FAM24A: variants seen among roughly 807,000 people sequenced by gnomAD.
FAM24A encodes protein FAM24A.
A neutral mutation model predicts 2.8 loss-of-function variants in FAM24A; 2 were observed. That is an observed-to-expected ratio of 0.73 (90% CI 0.30 to 2.28). The LOEUF (loss-of-function observed/expected upper bound fraction) is 2.28, where lower values mean the gene tolerates loss of function less well. Ranked by LOEUF, FAM24A falls within the 30% of genes most tolerant of loss-of-function variation. The pLI, the probability that FAM24A is intolerant of heterozygous loss-of-function variation, is 0.12. For synonymous variants in FAM24A, 46 were observed against 47.5 expected, an observed-to-expected ratio of 0.97 and a Z score of 0.13; for missense variants, 109 against 132.0, an observed-to-expected ratio of 0.83 and a Z score of 0.85.
intron 2 of FAM24A, among the ~76,000 whole-genome samples, chr10:122,912,454 A>G (rs928061858): frequency 1.3e-5 from 2 of 151,580 alleles, no homozygotes; most frequent in Non-Finnish European, 2.9e-5. Context: ...CACATCCCGG[A>G]GCCTGGGGCA....
chr10:122,911,344 G>T (rs1457405008), intron 1 of FAM24A, among the ~76,000 whole-genome samples: 1 of 152,128 alleles, frequency 6.6e-6, no homozygotes, highest in Non-Finnish European at 1.5e-5. Flanking sequence ...TCCAAGGCAG[G>T]CCTGTGGTCA....
Position 122,912,859 on chromosome 10 carries a change from T to A in FAM24A, c.223T>A (p.Ser75Thr). Residue 75 changes from serine (S) to threonine (T), a missense_variant, in exon 3 of 3, where the codon TCT becomes ACT. Coordinates refer to ENST00000368894, the MANE Select transcript of FAM24A (RefSeq NM_001029888.3). ...CCAGGCCAAAGCCACCACCATGGAGTCTTGTCCATCTCTCCAGTGCTGTGA... is the reference window on the plus strand; with the variant it reads ...CCAGGCCAAAGCCACCACCATGGAGACTTGTCCATCTCTCCAGTGCTGTGA... ...NSQAKATTME[S>T]CPSLQCCEGC... 6.2e-7 allele frequency: 1 copy of A among 1,613,908 alleles called. No individual in the cohort carries two copies. The highest frequency in any genetic ancestry group is 1.1e-5 in the South Asian group (1 of 91,058).
chr10:122,911,570 A>G (rs1848318900), intron 1 of FAM24A, 63 bp from the exon 2 acceptor site: 2 of 1,595,996 alleles, frequency 1.3e-6, no homozygotes, highest in Non-Finnish European at 1.7e-6. Flanking sequence ...TACTAACGGA[A>G]GGTTGTTTAG....
intron 2 of FAM24A, among the ~76,000 whole-genome samples, chr10:122,912,258 C>T (rs941603971): frequency 6.6e-5 from 10 of 152,116 alleles, no homozygotes; most frequent in Admixed American, 6.5e-4. Flanking sequence ...TTCTGGTGGC[C>T]TTGAGAACAA....
chr10:122,911,843 C>G (rs1848323235), intron 2 of FAM24A, 84 bp downstream of exon 2: 1 of 1,552,136 alleles, frequency 6.4e-7, no homozygotes, highest in Non-Finnish European at 8.8e-7. Context: ...TTCCTTTCTG[C>G]TGTGGCCATA....
rs576071484 is a variant in FAM24A at position 122,910,683 on chromosome 10, C to G, written c.-139C>G. On this transcript the variant is annotated 5_prime_UTR_variant, in exon 1 of 3. Transcript: ENST00000368894. ...GTTCAACCTTGGATCTTAATTACTC[C>G]TAGCAGGGATAATTAGGTCCCTCTT... 1 of 152,250 alleles carries G rather than the reference C, an allele frequency of 6.6e-6. No homozygotes were observed. The highest frequency in any genetic ancestry group is 1.9e-4 in the East Asian group (1 of 5,182). 9.4% of individuals were successfully genotyped at this position (152,250 alleles called of 1,614,324 possible). A position where few individuals can be genotyped will look rare whatever the true frequency, so the allele number is the denominator to read the frequency against.
chr10:122,911,518 A>T, intron 1 of FAM24A, 115 bp from the exon 2 acceptor site: 1 of 1,462,052 alleles, frequency 6.8e-7, no homozygotes, highest in African/African-American at 1.4e-5. Context: ...CTCTGGAAAG[A>T]TTTGCTTGCA....
At chr10:122,911,589 T>C in intron 1 of FAM24A, 44 bp from the exon 2 acceptor site, 1 of 1,606,888 alleles carries the variant, frequency 6.2e-7, no homozygotes, top group African/African-American at 1.3e-5. Flanking sequence ...AGTGGCTGTG[T>C]GGGGAGGAAG....
intron 2 of FAM24A, among the ~76,000 whole-genome samples, 190 bp from the exon 3 acceptor site, chr10:122,912,570 TTA>T (rs1848330022): frequency 6.6e-6 from 1 of 151,994 alleles, no homozygotes; most frequent in Non-Finnish European, 1.5e-5. Flanking sequence ...TAACCTGAGT[TTA>T]CATTTATAGC....
Position 122,912,929 on chromosome 10 carries a change from G to A in FAM24A, c.293G>A (p.Cys98Tyr). ...AGTTCTGATTCCCTGCCACCTTGCTGTTGTGACATAAATGAGGGCCTCTGA... is the reference window on the plus strand; with the variant it reads ...AGTTCTGATTCCCTGCCACCTTGCTATTGTGACATAAATGAGGGCCTCTGA... Reference protein sequence around the residue: ...HASSDSLPPCCCDINEGL With the variant: ...HASSDSLPPCYCDINEGL The change falls in exon 3 of 3, where the codon TGT (cysteine) becomes TAT (tyrosine). Residue 98 changes from cysteine to tyrosine, a missense_variant. By Grantham distance (194) the Cys-to-Tyr change is radical. Transcript: ENST00000368894. The A allele has an allele frequency of 1.2e-6, 2 of 1,609,642 alleles. No individual in the cohort carries two copies. The highest frequency in any genetic ancestry group is 3.4e-5 in the Admixed American group (2 of 59,002).
Position 122,911,666 on chromosome 10 carries a change from T to C in FAM24A, c.32T>C (p.Ile11Thr). The change falls in exon 2 of 3, where the codon ATC (isoleucine) becomes ACC (threonine). Residue 11 changes from isoleucine to threonine, a missense_variant. Physicochemically the swap from Ile to Thr is moderately conservative, Grantham distance 89 (BLOSUM62 -1). Coordinates refer to ENST00000368894, the MANE Select transcript of FAM24A (RefSeq NM_001029888.3). ...AAGATGTTTGATCTCAGGACGAAGA[T>C]CATGATCGGCATCGGAAGCAGCTTA... MAKMFDLRTK[I>T]MIGIGSSLLV... The C allele has an allele frequency of 1.2e-6, 2 of 1,614,114 alleles. No homozygotes were observed. The highest frequency in any genetic ancestry group is 8.5e-7 in the Non-Finnish European group (1 of 1,180,022).
rs1342910094 is a variant in FAM24A, at chr10:122,911,706, G to A, written c.72G>A (p.Met24Ile). ...GIGSSLLVAA[M>I]VLLSVVFCLY... ...GAAGCAGCTTACTGGTTGCCGCGAT[G>A]GTGCTCCTAAGTGTTGTGTTCTGTC... is the stretch of plus-strand genomic sequence containing the variant. The change falls in exon 2 of 3, where the codon ATG becomes ATA. Residue 24 changes from methionine (M) to isoleucine (I), a missense_variant. Physicochemically the swap from Met to Ile is conservative, Grantham distance 10. Transcript: ENST00000368894. 3.7e-6 allele frequency: 6 copies of A among 1,614,034 alleles called. No individual in the cohort carries two copies. The highest frequency in any genetic ancestry group is 5.1e-6 in the Non-Finnish European group (6 of 1,180,036).
chr10:122,912,340 G>A (rs2133858609), intron 2 of FAM24A, among the ~76,000 whole-genome samples: 1 of 152,298 alleles, frequency 6.6e-6, no homozygotes, highest in African/African-American at 2.4e-5. Flanking sequence ...AAAGAAAAGG[G>A]AATGTAGGTT....
At position 122,911,497 on chromosome 10, in the gene FAM24A, A is replaced by G; in HGVS notation, c.-2-136A>G. On this transcript the variant is annotated intron_variant, in intron 1 of 2. Transcript: ENST00000368894. Reference sequence around the variant, plus strand: ...TTGTCTGCCCCTGGACCAGCTTAGGATCCTAGGACTCTCTGGAAAGATTTG... The same window carrying G: ...TTGTCTGCCCCTGGACCAGCTTAGGGTCCTAGGACTCTCTGGAAAGATTTG... The G allele has an allele frequency of 2.3e-6, 3 of 1,311,914 alleles. No homozygotes were observed. In the South Asian group the frequency reaches 4.2e-5, roughly 19 times the overall value. 81.3% of individuals were successfully genotyped at this position (1,311,914 alleles called of 1,614,324 possible). A position where few individuals can be genotyped will look rare whatever the true frequency, so the allele number is the denominator to read the frequency against.
At chr10:122,912,108 A>C (rs969381029) in intron 2 of FAM24A, among the ~76,000 whole-genome samples, 7 of 152,092 alleles carry the variant, frequency 4.6e-5, no homozygotes, top group East Asian at 1.9e-4. Flanking sequence ...CTTGGCCAGT[A>C]CCTCCCCTGG....
chr10:122,912,181 C>T (rs983187298), intron 2 of FAM24A, among the ~76,000 whole-genome samples: 2 of 152,170 alleles, frequency 1.3e-5, no homozygotes, highest in Admixed American at 6.5e-5. Context: ...TGTGCTCATG[C>T]GGAGGATGGG....
At chr10:122,912,574 A>G (rs1163260341) in intron 2 of FAM24A, among the ~76,000 whole-genome samples, 188 bp from the exon 3 acceptor site, 1 of 152,160 alleles carries the variant, frequency 6.6e-6, no homozygotes, top group Non-Finnish European at 1.5e-5. Context: ...CTGAGTTTAC[A>G]TTTATAGCAG....
rs1310381969 is a variant in FAM24A, at chr10:122,911,770, T to C, written c.125+11T>C. The C allele has an allele frequency of 6.2e-7, 1 of 1,614,000 alleles. No individual in the cohort carries two copies. Among genetic ancestry groups the C allele is most frequent in the African/African-American group, 1.3e-5 (1 of 75,048 alleles). On this transcript the variant is annotated intron_variant, in intron 2 of 2. Transcript: ENST00000368894. ...AGCTAAGGCACTAAAGTGAGTCATG[T>C]GGGGGAAAATGAATTACACCTCCTC...
intron 1 of FAM24A, among the ~76,000 whole-genome samples, 186 bp from the exon 2 acceptor site, chr10:122,911,447 C>A (rs143623103): frequency 1.2e-3 from 184 of 152,228 alleles, no homozygotes; most frequent in African/African-American, 4.2e-3. Flanking sequence ...CATTTAAGTC[C>A]ATTTTTACCC....
Sources: gnomAD v4.1 joint callset for allele counts (sites outside exome capture counted in the v4.1 genomes callset) on GRCh38, gnomAD v4.1.1 for gene constraint, MANE v1.5 for transcripts, NCBI Gene and HGNC (gene_info 2026-07-23, HGNC 2026-07-21) for gene names.